Variants in ADK observed in about 807,000 individuals in gnomAD.
ADK encodes N6,N6-dimethyladenosine kinase.
In ADK, 24 loss-of-function variants were observed where a neutral mutation model predicts 44.7. The ratio of observed to expected loss-of-function variants is 0.54; its 90% CI spans 0.39 to 0.76. ADK has a LOEUF of 0.76. Among genes scored for constraint, ADK ranks in the 30% least tolerant of loss-of-function variants. The pLI, the probability that ADK is intolerant of heterozygous loss-of-function variation, is 0.00. For missense variants in ADK, 321 were observed against 425.1 expected (o/e 0.76, Z 2.15); for synonymous variants, 128 against 142.6 (o/e 0.90, Z 0.73).
At chr10:74,175,136 C>T (rs1842286210) in intron 1 of ADK, among the ~76,000 whole-genome samples, 1 of 152,132 alleles carries the variant, frequency 6.6e-6, no homozygotes, top group Admixed American at 6.5e-5. Context: ...TTGGCTCACG[C>T]CTGGAAGGCT....
At chr10:74,309,141 C>T (rs554723085) in intron 3 of ADK, among the ~76,000 whole-genome samples, 1 of 152,072 alleles carries the variant, frequency 6.6e-6, no homozygotes, top group East Asian at 1.9e-4. Context: ...AATTACAGTG[C>T]TATTTGTGTT....
intron 9 of ADK, among the ~76,000 whole-genome samples, chr10:74,660,008 T>C (rs1180065697): frequency 6.6e-6 from 1 of 152,216 alleles, no homozygotes; most frequent in Non-Finnish European, 1.5e-5. Context: ...ATAATATCCT[T>C]GTCCATTTAA....
chr10:74,479,803 A>G (rs1846999651), intron 6 of ADK, among the ~76,000 whole-genome samples: 1 of 152,128 alleles, frequency 6.6e-6, no homozygotes, highest in South Asian at 2.1e-4. Context: ...CCTATTATCT[A>G]TACAACAGTG....
At chr10:74,176,780 G>T in intron 1 of ADK, 1 of 1,583,982 alleles carries the variant, frequency 6.3e-7, no homozygotes, top group Admixed American at 1.7e-5. Context: ...GAGTGCCTGA[G>T]CCGGGAAGCA....
intron 9 of ADK, 105 bp from the exon 10 acceptor site, chr10:74,670,078 C>G (rs949737509): frequency 3.6e-5 from 32 of 897,578 alleles, no homozygotes; most frequent in African/African-American, 6.6e-5. Context: ...TGTCCTGTCT[C>G]TCTTTGAATG....
intron 6 of ADK, among the ~76,000 whole-genome samples, chr10:74,403,250 A>T (rs1424679020): frequency 1.3e-5 from 2 of 152,092 alleles, no homozygotes; most frequent in Admixed American, 1.3e-4. Context: ...GTGCTGGGAG[A>T]ACCACTACTC....
At chr10:74,642,747 C>G (rs1256038076) in intron 9 of ADK, among the ~76,000 whole-genome samples, 1 of 151,266 alleles carries the variant, frequency 6.6e-6, no homozygotes, top group Non-Finnish European at 1.5e-5. Flanking sequence ...TTGGATCATA[C>G]TGTGGTCTTT....
At chr10:74,176,715 G>T (rs1842351785) in intron 1 of ADK, 3 of 1,476,820 alleles carry the variant, frequency 2.0e-6, no homozygotes, top group Non-Finnish European at 1.8e-6. Flanking sequence ...ACGCCGGGCC[G>T]GCTAGCCAGG....
At chr10:74,662,522 C>T (rs538714517) in intron 9 of ADK, among the ~76,000 whole-genome samples, 5 of 152,294 alleles carry the variant, frequency 3.3e-5, no homozygotes, top group African/African-American at 1.2e-4. Flanking sequence ...CTCAACCAGT[C>T]CTCCCGCCTC....
chr10:74,301,841 AT>A (rs1480584563), intron 3 of ADK, among the ~76,000 whole-genome samples: 1 of 151,982 alleles, frequency 6.6e-6, no homozygotes, highest in Non-Finnish European at 1.5e-5. Context: ...CTTTATTAGC[AT>A]TTTAAAGTTC....
At chr10:74,581,475 G>A (rs985604783) in intron 7 of ADK, among the ~76,000 whole-genome samples, 3 of 152,070 alleles carry the variant, frequency 2.0e-5, no homozygotes, top group Admixed American at 2.0e-4. Flanking sequence ...TAAAGACTAC[G>A]GATGGGGCAG....
chr10:74,284,122 C>A (rs1391006565), intron 3 of ADK, among the ~76,000 whole-genome samples: 1 of 151,970 alleles, frequency 6.6e-6, no homozygotes, highest in Non-Finnish European at 1.5e-5. Context: ...CCATGCCCGG[C>A]TAATTTTTTG....
intron 3 of ADK, among the ~76,000 whole-genome samples, chr10:74,246,713 TG>T (rs897452863): frequency 3.3e-5 from 5 of 152,194 alleles, no homozygotes; most frequent in Non-Finnish European, 7.4e-5. Context: ...AGTTTGGGTT[TG>T]GTGAGCATGG....
chr10:74,470,338 A>G (rs957365855), intron 6 of ADK, among the ~76,000 whole-genome samples: 3 of 151,888 alleles, frequency 2.0e-5, no homozygotes, highest in Admixed American at 6.6e-5. Context: ...TTTTCTTTAT[A>G]CATTCATCTG....
intron 7 of ADK, among the ~76,000 whole-genome samples, chr10:74,545,481 GA>G (rs1320318481): frequency 6.6e-6 from 1 of 152,166 alleles, no homozygotes; most frequent in Non-Finnish European, 1.5e-5. Context: ...ATGGTGTACA[GA>G]AAGAAAACTA....
In ADK at chr10:74,225,515, G is replaced by T. The variant is rs537262815; in HGVS notation, c.194+924G>T. On this transcript the variant is annotated intron_variant, in intron 3 of 10. Transcript: ENST00000539909. The stretch of plus-strand genomic sequence containing the variant: ...ACTATTATTTTCTTCTTGAGATTAA[G>T]TAATAATTTTTTTCCAAGTACTTTT... Among the ~76,000 whole-genome samples, 6 of 152,188 alleles carry T rather than the reference G, an allele frequency of 3.9e-5. No individual in the cohort carries two copies. In the South Asian group the frequency reaches 8.3e-4, roughly 21 times the overall value.
At chr10:74,628,494 G>T (rs1353064277) in intron 9 of ADK, among the ~76,000 whole-genome samples, 1 of 151,546 alleles carries the variant, frequency 6.6e-6, no homozygotes, top group Admixed American at 6.6e-5. Flanking sequence ...ATCCAGGTGA[G>T]GCAGATGTTC....
At chr10:74,323,675 A>G (rs1435192817) in intron 4 of ADK, among the ~76,000 whole-genome samples, 2 of 150,020 alleles carry the variant, frequency 1.3e-5, no homozygotes, top group African/African-American at 4.9e-5. Flanking sequence ...GGGTCACACC[A>G]TTCTCCTGCC....
At chr10:74,551,029 A>AT (rs1223590970) in intron 7 of ADK, among the ~76,000 whole-genome samples, 7 of 151,860 alleles carry the variant, frequency 4.6e-5, no homozygotes, top group Non-Finnish European at 7.4e-5. Flanking sequence ...TTTAAGTAAA[A>AT]TTTTTTTTAG....
Sources: gnomAD v4.1 joint callset for allele counts (sites outside exome capture counted in the v4.1 genomes callset) on GRCh38, gnomAD v4.1.1 for gene constraint, MANE v1.5 for transcripts, NCBI Gene and HGNC (gene_info 2026-07-23, HGNC 2026-07-21) for gene names.